The following CDH12 variants were observed in gnomAD, a reference collection of about 807,000 sequenced individuals.
CDH12 encodes cadherin-12.
Under a neutral mutation model 74.1 loss-of-function variants are expected in CDH12, and 41 were observed. The observed-to-expected ratio is 0.55, with a 90% CI of 0.43 to 0.72. CDH12 has a LOEUF of 0.72. Among genes scored for constraint, CDH12 ranks in the 30% least tolerant of loss-of-function variants. CDH12 has a pLI of 0.00. For synonymous variants in CDH12, 399 were observed against 355.0 expected (o/e 1.12, Z -1.39); for missense variants, 945 against 977.2 (o/e 0.97, Z 0.44).
intron 1 of CDH12, among the ~76,000 whole-genome samples, chr5:22,539,498 C>T (rs1182003183): frequency 6.6e-6 from 1 of 152,282 alleles, no homozygotes; most frequent in Middle Eastern, 3.4e-3. Context: ...TTGAGAAAGG[C>T]AATGAAAAAT....
chr5:22,695,681 A>T (rs1742321793), intron 1 of CDH12, among the ~76,000 whole-genome samples: 1 of 152,268 alleles, frequency 6.6e-6, no homozygotes, highest in Middle Eastern at 3.4e-3. Context: ...AAACATAGCA[A>T]TTTTTTTATT....
At chr5:22,782,579 A>G (rs533511946) in intron 1 of CDH12, among the ~76,000 whole-genome samples, 1 of 152,244 alleles carries the variant, frequency 6.6e-6, no homozygotes, top group Admixed American at 6.5e-5. Context: ...GTCTTAGGTA[A>G]TATCTTTACA....
chr5:22,005,700 G>A lies in CDH12; in HGVS notation c.232-30315C>T, dbSNP rs115698122. 6.7e-3 allele frequency among the ~76,000 whole-genome samples: 1,021 copies of A among 152,068 alleles called. 4 individuals are homozygous for A. The highest frequency in any genetic ancestry group is 9.7e-3 in the Non-Finnish European group (662 of 67,996). On this transcript the variant is annotated intron_variant, in intron 5 of 14. Coordinates refer to ENST00000382254, the MANE Select transcript of CDH12 (RefSeq NM_004061.5). ...TTCTATGAGAGCAGAGATATTGCCT[G>A]TTTTACACTGCAAATATACCCAAAC... is the stretch of plus-strand genomic sequence containing the variant.
At chr5:22,323,475 C>T (rs535636608) in intron 3 of CDH12, among the ~76,000 whole-genome samples, 20 of 152,130 alleles carry the variant, frequency 1.3e-4, no homozygotes, top group African/African-American at 3.9e-4. Context: ...TTGTCTCTGA[C>T]TATGAAATAC....
At chr5:21,889,043 A>G (rs556375017) in intron 6 of CDH12, among the ~76,000 whole-genome samples, 13 of 152,098 alleles carry the variant, frequency 8.5e-5, no homozygotes, top group Non-Finnish European at 1.8e-4. Context: ...AGCACATATG[A>G]TTATATATTT....
chr5:22,240,177 T>C (rs1465731174), intron 3 of CDH12, among the ~76,000 whole-genome samples: 1 of 152,196 alleles, frequency 6.6e-6, no homozygotes, highest in Non-Finnish European at 1.5e-5. Flanking sequence ...CTTAGATGCT[T>C]ATGAAAATGA....
intron 1 of CDH12, among the ~76,000 whole-genome samples, chr5:22,512,308 C>T (rs1408972871): frequency 1.3e-5 from 2 of 152,146 alleles, no homozygotes; most frequent in African/African-American, 4.8e-5. Context: ...GCTTTGTGTT[C>T]TTCTACCTGA....
chr5:22,204,656 C>T (rs1751121849), intron 4 of CDH12, among the ~76,000 whole-genome samples: 1 of 152,178 alleles, frequency 6.6e-6, no homozygotes, highest in Non-Finnish European at 1.5e-5. Context: ...CTCTTTTTTA[C>T]ACATTCACCA....
intron 4 of CDH12, among the ~76,000 whole-genome samples, chr5:22,191,785 C>G (rs554492965): frequency 6.6e-6 from 1 of 151,686 alleles, no homozygotes; most frequent in East Asian, 1.9e-4. Context: ...GGGATGGTCT[C>G]GATCTCCTGA....
At chr5:22,105,774 C>T (rs779213756) in intron 4 of CDH12, among the ~76,000 whole-genome samples, 2 of 151,784 alleles carry the variant, frequency 1.3e-5, no homozygotes, top group Non-Finnish European at 2.9e-5. Context: ...TTAGATTAGG[C>T]CCTATCTTAA....
chr5:22,751,263 C>T (rs1344857516), intron 1 of CDH12, among the ~76,000 whole-genome samples: 1 of 149,808 alleles, frequency 6.7e-6, no homozygotes, highest in Non-Finnish European at 1.5e-5. Flanking sequence ...ACAGTGGTCC[C>T]TTTTTGAGAA....
intron 7 of CDH12, among the ~76,000 whole-genome samples, chr5:21,842,555 T>C (rs1749931583): frequency 6.6e-6 from 1 of 152,072 alleles, no homozygotes; most frequent in South Asian, 2.1e-4. Flanking sequence ...CAATGAGAAA[T>C]ATGGTTAAAG....
chr5:22,442,418 A>T (rs1744661734), intron 2 of CDH12, among the ~76,000 whole-genome samples: 1 of 152,140 alleles, frequency 6.6e-6, no homozygotes, highest in Non-Finnish European at 1.5e-5. Context: ...GACTGCAGGA[A>T]TGCCTGTACC....
chr5:21,814,583 T>C (rs527593314), intron 9 of CDH12, among the ~76,000 whole-genome samples: 1 of 151,440 alleles, frequency 6.6e-6, no homozygotes, highest in East Asian at 1.9e-4. Flanking sequence ...TAAATATGTG[T>C]AAATAAAAAT....
intron 1 of CDH12, among the ~76,000 whole-genome samples, chr5:22,802,746 A>T (rs1210291080): frequency 1.3e-5 from 2 of 152,154 alleles, no homozygotes; most frequent in African/African-American, 4.8e-5. Flanking sequence ...AAGTAGTGTA[A>T]ATGACAACCC....
At chr5:22,196,473 A>G (rs1750627606) in intron 4 of CDH12, among the ~76,000 whole-genome samples, 1 of 151,964 alleles carries the variant, frequency 6.6e-6, no homozygotes, top group Non-Finnish European at 1.5e-5. Flanking sequence ...TTTTACAGAG[A>G]TCATTAGAAT....
Position 22,163,824 on chromosome 5 carries a change from T to A in CDH12, c.-187+48674A>T, listed in dbSNP as rs1390068694. ...AGGAAGAATTCCATGACAACCAGTA[T>A]GACTCCCTAGGTCATTTTTTCATCT... On this transcript the variant is annotated intron_variant, in intron 4 of 14. Transcript: ENST00000382254. 2.6e-5 allele frequency among the ~76,000 whole-genome samples: 4 copies of A among 152,242 alleles called. No individual in the cohort carries two copies. The East Asian group carries it at 7.7e-4, about 29-fold the overall frequency.
intron 1 of CDH12, among the ~76,000 whole-genome samples, chr5:22,754,772 C>T (rs570394993): frequency 1.3e-5 from 2 of 152,100 alleles, no homozygotes; most frequent in African/African-American, 4.8e-5. Context: ...ATAATTCTGC[C>T]AGCAGCATGG....
intron 2 of CDH12, among the ~76,000 whole-genome samples, chr5:22,484,052 A>T (rs1482710354): frequency 2.0e-5 from 3 of 151,878 alleles, no homozygotes; most frequent in Non-Finnish European, 4.4e-5. Flanking sequence ...AAACTTAAAA[A>T]CTAGAAATAA....
Sources: allele counts gnomAD v4.1 joint callset (sites outside exome capture counted in the v4.1 genomes callset), GRCh38; gene constraint gnomAD v4.1.1; transcripts MANE v1.5; gene names NCBI Gene and HGNC (gene_info 2026-07-23, HGNC 2026-07-21).